The following VPS37D variants were observed in gnomAD, a reference collection of about 807,000 sequenced individuals.
VPS37D encodes VPS37D subunit of ESCRT-I.
A neutral mutation model predicts 22.0 loss-of-function variants in VPS37D; 5 were observed. The ratio of observed to expected loss-of-function variants is 0.23; its 90% CI spans 0.12 to 0.48. VPS37D has a LOEUF of 0.48. Among genes scored for constraint, VPS37D ranks in the 20% least tolerant of loss-of-function variants. The pLI, the probability that VPS37D is intolerant of heterozygous loss-of-function variation, is 0.99. For synonymous variants in VPS37D, 174 were observed against 159.3 expected, an observed-to-expected ratio of 1.09 and a Z score of -0.69; for missense variants, 384 against 345.8, an observed-to-expected ratio of 1.11 and a Z score of -0.88.
chr7:73,668,012 CT>C lies in VPS37D; in HGVS notation c.57del (p.Phe19LeufsTer105). On this transcript the variant is annotated frameshift_variant, in exon 1 of 4. Transcript: ENST00000324941. LOFTEE classifies it high-confidence loss of function. ...AGPEPGSPGRFGILSTGQLRD... is the reference protein window; with the variant it reads ...AGPEPGSPGRXGILSTGQLRD... ...GGCCGGAGCCCGGCAGCCCGGGGCG[CT>C]TTGGGATCCTCAGCACCGGGCAGCT... The C allele has an allele frequency of 8.8e-7, 1 of 1,133,568 alleles. No individual in the cohort carries two copies. The highest frequency in any genetic ancestry group is 1.1e-6 in the Non-Finnish European group (1 of 917,332). 70.2% of individuals were successfully genotyped at this position (1,133,568 alleles called of 1,614,324 possible).
intron 3 of VPS37D, 67 bp from the exon 4 acceptor site, chr7:73,670,947 G>T: frequency 6.4e-7 from 1 of 1,560,384 alleles, no homozygotes. Flanking sequence ...AGGGTGGGAA[G>T]GAGTGAGGAC....
At position 73,670,005 on chromosome 7, in the gene VPS37D, C is replaced by T. The variant is rs1554609431; in HGVS notation, c.311-15C>T. 2 of 1,551,640 alleles carry T rather than the reference C, an allele frequency of 1.3e-6. No homozygotes were observed. Among genetic ancestry groups the T allele is most frequent in the South Asian group, 2.4e-5 (2 of 84,064 alleles). ...CCCTGGCCTGTCTGTCACTCTGTCC[C>T]TCTGTGGCCCTCAGAGGAAAGCATG... On this transcript the variant is annotated splice_polypyrimidine_tract_variant and intron_variant, in intron 2 of 3. Coordinates refer to ENST00000324941, the MANE Select transcript of VPS37D (RefSeq NM_001077621.2).
chr7:73,668,038 T>C lies in VPS37D; in HGVS notation c.80T>C (p.Leu27Pro). 8.6e-7 allele frequency: 1 copy of C among 1,162,162 alleles called. No individual in the cohort carries two copies. Among genetic ancestry groups the C allele is most frequent in the Non-Finnish European group, 1.1e-6 (1 of 932,820 alleles). 72.0% of individuals were successfully genotyped at this position (1,162,162 alleles called of 1,614,324 possible). A position where few individuals can be genotyped will look rare whatever the true frequency, so the allele number is the denominator to read the frequency against. Reference sequence around the variant, plus strand: ...TTTGGGATCCTCAGCACCGGGCAGCTCCGGGACCTGCTTCAGGATGAGCCC... The same window carrying C: ...TTTGGGATCCTCAGCACCGGGCAGCCCCGGGACCTGCTTCAGGATGAGCCC... Reference protein sequence around the residue: ...GRFGILSTGQLRDLLQDEPKL... With the variant: ...GRFGILSTGQPRDLLQDEPKL... The change falls in exon 1 of 4, where the codon CTC becomes CCC. Residue 27 changes from leucine to proline, a missense_variant. Coordinates refer to ENST00000324941, the MANE Select transcript of VPS37D (RefSeq NM_001077621.2).
upstream of VPS37D, among the ~76,000 whole-genome samples, chr7:73,665,709 G>A (rs1195101960): frequency 7.9e-5 from 12 of 152,132 alleles, no homozygotes; most frequent in African/African-American, 2.7e-4. Context: ...ATGGATTTCT[G>A]TTTGCTTTCA....
chr7:73,670,971 G>A (rs1190253556), intron 3 of VPS37D, 43 bp from the exon 4 acceptor site: 2 of 1,597,502 alleles, frequency 1.3e-6, no homozygotes, highest in African/African-American at 2.7e-5. Context: ...TCCCCAGTCT[G>A]TGGTCGTGCC....
At chr7:73,666,276 G>A (rs143917654), upstream of VPS37D, among the ~76,000 whole-genome samples, 565 of 152,292 alleles carry the variant, frequency 3.7e-3, 6 homozygotes, top group African/African-American at 0.013. Flanking sequence ...AACTCCCTGA[G>A]GGCAGGGACA....
chr7:73,668,692 T>G (rs1352003953), intron 1 of VPS37D, among the ~76,000 whole-genome samples: 2 of 151,260 alleles, frequency 1.3e-5, no homozygotes, highest in Non-Finnish European at 2.9e-5. Flanking sequence ...GAGGGGCTTG[T>G]GCATCCCACA....
Position 73,669,382 on chromosome 7 carries a change from C to A in VPS37D, c.139-37C>A, listed in dbSNP as rs1270714453. ...GGGCAGTAGGGTGGACAGGGCAGAT[C>A]CCCTGAGCGGGCCTCTTAGCTCCTC... is the stretch of plus-strand genomic sequence containing the variant. On this transcript the variant is annotated intron_variant, in intron 1 of 3. Coordinates refer to ENST00000324941, the MANE Select transcript of VPS37D (RefSeq NM_001077621.2). 11 of 1,518,446 alleles carry A rather than the reference C, an allele frequency of 7.2e-6. No individual in the cohort carries two copies. The East Asian group carries it at 2.7e-4, about 38-fold the overall frequency. 94.1% of individuals were successfully genotyped at this position (1,518,446 alleles called of 1,614,324 possible). A position where few individuals can be genotyped will look rare whatever the true frequency, so the allele number is the denominator to read the frequency against.
rs1554609821 is a variant in VPS37D, at chr7:73,671,553, G to C, written c.*177G>C. 2.9e-6 allele frequency: 1 copy of C among 346,082 alleles called. No homozygotes were observed. The highest frequency in any genetic ancestry group is 2.2e-5 in the African/African-American group (1 of 46,444). The allele number at this position is 346,082 out of a possible 1,614,324, so 21.4% of individuals were successfully genotyped here. On this transcript the variant is annotated 3_prime_UTR_variant, in exon 4 of 4. Transcript: ENST00000324941. Reference sequence around the variant, plus strand: ...TCCCCTGGAAGAGGCCCGAGAGGGGGCTGGGGGTGGGTGGGCAGGGCTTTA... The same window carrying C: ...TCCCCTGGAAGAGGCCCGAGAGGGGCCTGGGGGTGGGTGGGCAGGGCTTTA...
Position 73,669,600 on chromosome 7 carries a change from C to A in VPS37D, c.310+10C>A. On this transcript the variant is annotated intron_variant, in intron 2 of 3. Transcript: ENST00000324941. ...AAGCTGCAGCGACTGGGTGAGGGCA[C>A]GTCTGGGAGAACCCCCTGGGGCTGG... 2 of 1,582,274 alleles carry A rather than the reference C, an allele frequency of 1.3e-6. No individual in the cohort carries two copies. Among genetic ancestry groups the A allele is most frequent in the Non-Finnish European group, 1.7e-6 (2 of 1,163,262 alleles).
chr7:73,670,481 C>G (rs1180964765), intron 3 of VPS37D, among the ~76,000 whole-genome samples: 1 of 152,204 alleles, frequency 6.6e-6, no homozygotes, highest in Non-Finnish European at 1.5e-5. Context: ...TGCCTCATCT[C>G]TGATCCAGCA....
chr7:73,669,780 G>A (rs1215764828), intron 2 of VPS37D, among the ~76,000 whole-genome samples, 190 bp downstream of exon 2: 5 of 152,138 alleles, frequency 3.3e-5, no homozygotes, highest in Non-Finnish European at 4.4e-5. Context: ...GACCCAATAC[G>A]CAGGGTCCCC....
upstream of VPS37D, among the ~76,000 whole-genome samples, chr7:73,665,882 G>A (rs1459769134): frequency 2.0e-5 from 3 of 152,156 alleles, no homozygotes; most frequent in Admixed American, 1.3e-4. Context: ...ACGGGGTCTT[G>A]CTCCATTTCC....
chr7:73,667,210 G>A (rs1226273687), upstream of VPS37D, among the ~76,000 whole-genome samples: 2 of 151,712 alleles, frequency 1.3e-5, no homozygotes, highest in South Asian at 4.2e-4. Flanking sequence ...TCCTGACCTC[G>A]TGATCCGCCC....
intron 1 of VPS37D, 65 bp downstream of exon 1, chr7:73,668,161 G>C: frequency 1.0e-6 from 1 of 1,004,658 alleles, no homozygotes; most frequent in Non-Finnish European, 1.2e-6. Context: ...CCTGCCGCTC[G>C]AGGGAAGGGC....
chr7:73,668,808 C>T (rs1279608657), intron 1 of VPS37D, among the ~76,000 whole-genome samples: 1 of 151,430 alleles, frequency 6.6e-6, no homozygotes, highest in Non-Finnish European at 1.5e-5. Flanking sequence ...GCTGTAAGCC[C>T]GGAGCAGGGA....
At chr7:73,665,540 A>C (rs1221858650), upstream of VPS37D, among the ~76,000 whole-genome samples, 3 of 152,176 alleles carry the variant, frequency 2.0e-5, no homozygotes, top group African/African-American at 7.2e-5. Flanking sequence ...GTAAAAATGT[A>C]GAACTGTTTT....
intron 2 of VPS37D, 21 bp from the exon 3 acceptor site, chr7:73,669,999 C>T: frequency 3.2e-6 from 5 of 1,551,594 alleles, no homozygotes; most frequent in Non-Finnish European, 4.4e-6. Context: ...GTCTGTCACT[C>T]TGTCCCTCTG....
rs782493392 is a variant in VPS37D at position 73,671,066 on chromosome 7, C to G, written c.446C>G (p.Pro149Arg). The G allele has an allele frequency of 1.2e-6, 2 of 1,612,050 alleles. No individual in the cohort carries two copies. Among genetic ancestry groups the G allele is most frequent in the African/African-American group, 2.7e-5 (2 of 74,924 alleles). ...GAGCAAAGCCTGGAGGCCTTCCTGC[C>G]TGCCTTCCAGCGTGGCCGCGCCCTG... ...LGEQSLEAFL[P>R]AFQRGRALAH... Residue 149 changes from proline (P) to arginine (R), a missense_variant, in exon 4 of 4, where the codon CCT (proline) becomes CGT (arginine). Coordinates refer to ENST00000324941, the MANE Select transcript of VPS37D (RefSeq NM_001077621.2).
Sources: allele counts gnomAD v4.1 joint callset (sites outside exome capture counted in the v4.1 genomes callset), GRCh38; gene constraint gnomAD v4.1.1; transcripts MANE v1.5; gene names NCBI Gene and HGNC (gene_info 2026-07-23, HGNC 2026-07-21).